Variants in HADHA observed in about 807,000 individuals in gnomAD.
HADHA encodes the protein trifunctional enzyme subunit alpha, mitochondrial.
HADHA carries 59 observed loss-of-function variants against 91.3 expected under a neutral mutation model. The observed-to-expected ratio is 0.65, with a 90% CI of 0.52 to 0.80. The LOEUF (loss-of-function observed/expected upper bound fraction) is 0.80. Among genes scored for constraint, HADHA ranks in the 30% least tolerant of loss-of-function variants. HADHA has a pLI of 0.00. For missense variants in HADHA, 800 were observed against 927.6 expected (o/e 0.86, Z 1.79); for synonymous variants, 320 against 338.9 (o/e 0.94, Z 0.61).
At chr2:26,196,623 TG>T (rs1454007234) in intron 14 of HADHA, among the ~76,000 whole-genome samples, 1 of 152,172 alleles carries the variant, frequency 6.6e-6, no homozygotes, top group African/African-American at 2.4e-5. Flanking sequence ...CCAAGATGGT[TG>T]GTCACCCTAT....
rs1005381701 is a variant in HADHA, at chr2:26,239,021, G to T, written c.110-17C>A. 2 of 1,590,624 alleles carry T rather than the reference G, an allele frequency of 1.3e-6. No individual in the cohort carries two copies. The highest frequency in any genetic ancestry group is 1.7e-6 in the Non-Finnish European group (2 of 1,158,822). On this transcript the variant is annotated splice_polypyrimidine_tract_variant and intron_variant, in intron 2 of 19. Coordinates refer to ENST00000380649, the MANE Select transcript of HADHA (RefSeq NM_000182.5). ...GGGTTCTGGCTAAAAAGAAAAGAAAGATTTATTTGTAAACATATTTATTGC... is the reference window on the plus strand; with the variant it reads ...GGGTTCTGGCTAAAAAGAAAAGAAATATTTATTTGTAAACATATTTATTGC...
intron 1 of HADHA, among the ~76,000 whole-genome samples, chr2:26,241,190 C>T (rs60938684): frequency 0.024 from 3,606 of 152,198 alleles, 156 homozygotes; most frequent in African/African-American, 0.08. Context: ...CTACAGTCAG[C>T]GAAGAGAGCT....
chr2:26,227,039 T>C (rs976031898), intron 7 of HADHA, among the ~76,000 whole-genome samples: 2 of 152,176 alleles, frequency 1.3e-5, no homozygotes, highest in Admixed American at 1.3e-4. Context: ...TTGCAAATCA[T>C]ATATTTGATA....
chr2:26,190,749 T>C lies in HADHA; in HGVS notation c.*501A>G. ...GCCCACCAGGTCCCACTTTCTCTCA[T>C]CCCAGTCCCTCCCTAAGGTGCTGCC... On this transcript the variant is annotated 3_prime_UTR_variant, in exon 20 of 20. Transcript: ENST00000380649. 4.7e-6 allele frequency: 1 copy of C among 211,868 alleles called. No individual in the cohort carries two copies. The highest frequency in any genetic ancestry group is 9.6e-6 in the Non-Finnish European group (1 of 104,338). 13.1% of individuals were successfully genotyped at this position (211,868 alleles called of 1,614,324 possible). A position where few individuals can be genotyped will look rare whatever the true frequency, so the allele number is the denominator to read the frequency against.
At chr2:26,232,109 A>C (rs951974635) in intron 6 of HADHA, 51 bp downstream of exon 6, 7 of 1,416,774 alleles carry the variant, frequency 4.9e-6, no homozygotes, top group Admixed American at 1.7e-5. Context: ...TTATACAAGA[A>C]AACAGATCTA....
chr2:26,197,894 A>G, intron 13 of HADHA, 117 bp from the exon 14 acceptor site: 2 of 736,468 alleles, frequency 2.7e-6, no homozygotes, highest in East Asian at 2.5e-5. Flanking sequence ...ACAACTGCTC[A>G]GACAGTAGAT....
intron 1 of HADHA, among the ~76,000 whole-genome samples, chr2:26,239,362 G>A (rs1354456719): frequency 3.3e-5 from 5 of 152,192 alleles, no homozygotes; most frequent in Non-Finnish European, 5.9e-5. Flanking sequence ...CCCACAAAGG[G>A]ATATACATCC....
intron 5 of HADHA, among the ~76,000 whole-genome samples, chr2:26,233,146 A>G (rs1364975465): frequency 6.6e-6 from 1 of 152,154 alleles, no homozygotes; most frequent in African/African-American, 2.4e-5. Flanking sequence ...TCAGGTGGTA[A>G]TGTTCACTCG....
intron 11 of HADHA, among the ~76,000 whole-genome samples, chr2:26,209,242 A>C (rs1267227162): frequency 1.3e-5 from 2 of 152,186 alleles, no homozygotes; most frequent in African/African-American, 4.8e-5. Context: ...ACAGAGCTAC[A>C]AGTTGCATCA....
At chr2:26,228,802 G>C (rs1670543403) in intron 7 of HADHA, among the ~76,000 whole-genome samples, 1 of 151,952 alleles carries the variant, frequency 6.6e-6, no homozygotes, top group Non-Finnish European at 1.5e-5. Flanking sequence ...CTCCTGACTA[G>C]CTGGGACTAC....
intron 7 of HADHA, among the ~76,000 whole-genome samples, chr2:26,228,868 T>G (rs892773604): frequency 1.3e-5 from 2 of 152,110 alleles, no homozygotes; most frequent in Admixed American, 1.3e-4. Context: ...TTTTAAGAGA[T>G]AGGATCTTGC....
chr2:26,214,628 T>C lies in HADHA; in HGVS notation c.800-67A>G. On this transcript the variant is annotated intron_variant, in intron 8 of 19. Transcript: ENST00000380649. This position sits in a 1 kb window ranked among gnomAD's most constrained non-coding sequence, Gnocchi z 4.1. ...TAGATTCCCTTGTTAGTTTATGCTC[T>C]AAACTCTATAAAAATGAAGTAATTC... is the stretch of plus-strand genomic sequence containing the variant. 1 of 845,220 alleles carries C rather than the reference T, an allele frequency of 1.2e-6. No homozygotes were observed. The highest frequency in any genetic ancestry group is 2.1e-6 in the Non-Finnish European group (1 of 486,212). 52.4% of individuals were successfully genotyped at this position (845,220 alleles called of 1,614,324 possible). A position where few individuals can be genotyped will look rare whatever the true frequency, so the allele number is the denominator to read the frequency against.
intron 7 of HADHA, among the ~76,000 whole-genome samples, chr2:26,224,904 TGAG>T (rs1202745025): frequency 7.2e-5 from 11 of 152,176 alleles, no homozygotes; most frequent in Non-Finnish European, 1.5e-5. Context: ...CAGGAATGAA[TGAG>T]GAGACATCAG....
intron 11 of HADHA, among the ~76,000 whole-genome samples, chr2:26,207,093 G>T (rs1345527337): frequency 1.3e-5 from 2 of 152,132 alleles, no homozygotes; most frequent in African/African-American, 4.8e-5. Context: ...AGCTACTCAG[G>T]AGACAGAGGT....
Position 26,194,770 on chromosome 2 carries a change from T to C in HADHA, c.1621-132A>G, listed in dbSNP as rs532234121. The C allele has an allele frequency of 1.4e-4, 107 of 738,194 alleles. No individual in the cohort carries two copies. In the African/African-American group the frequency reaches 1.5e-3, roughly 10 times the overall value. 45.7% of individuals were successfully genotyped at this position (738,194 alleles called of 1,614,324 possible). On this transcript the variant is annotated intron_variant, in intron 15 of 19. Coordinates refer to ENST00000380649, the MANE Select transcript of HADHA (RefSeq NM_000182.5). ...AACTTAAGGTGACTTAAAATCTCAA[T>C]CAGAATCCTTAAAAATGAAATTGCA...
intron 10 of HADHA, among the ~76,000 whole-genome samples, chr2:26,211,443 A>AAG (rs1270630740): frequency 2.0e-5 from 3 of 152,192 alleles, no homozygotes; most frequent in Non-Finnish European, 4.4e-5. Context: ...TGTCATGGGC[A>AAG]AGATATTACA....
chr2:26,215,021 C>A (rs772501084), intron 8 of HADHA, 32 bp downstream of exon 8: 5 of 1,578,910 alleles, frequency 3.2e-6, no homozygotes, highest in Non-Finnish European at 4.4e-6. Context: ...AGGAAAGAAG[C>A]TTTGCCTTTG....
At position 26,226,831 on chromosome 2, in the gene HADHA, G is replaced by A. The variant is rs186195664; in HGVS notation, c.676+3361C>T. Among the ~76,000 whole-genome samples the A allele has an allele frequency of 3.1e-3, 479 of 152,182 alleles. 3 individuals carry two copies. Among genetic ancestry groups the A allele is most frequent in the African/African-American group, 0.01 (418 of 41,534 alleles). On this transcript the variant is annotated intron_variant, in intron 7 of 19. Coordinates refer to ENST00000380649, the MANE Select transcript of HADHA (RefSeq NM_000182.5). ...CTCCAAATGGATCACAGACCAAAATGTAAGAGCTAAAACTAGAAAATTTCT... is the reference window on the plus strand; with the variant it reads ...CTCCAAATGGATCACAGACCAAAATATAAGAGCTAAAACTAGAAAATTTCT...
chr2:26,219,157 C>G (rs1048861721), intron 7 of HADHA, among the ~76,000 whole-genome samples: 26 of 151,470 alleles, frequency 1.7e-4, no homozygotes, highest in Non-Finnish European at 1.5e-4. Context: ...GAGATGGAGT[C>G]TCGCTCTGTT....
Sources: gnomAD v4.1 joint callset for allele counts (sites outside exome capture counted in the v4.1 genomes callset) on GRCh38, gnomAD v4.1.1 for gene constraint, Gnocchi (gnomAD v3.1) non-coding constraint, MANE v1.5 for transcripts, NCBI Gene and HGNC (gene_info 2026-07-23, HGNC 2026-07-21) for gene names.